The following CSMD1 variants were observed in gnomAD, a reference collection of about 807,000 sequenced individuals.
The protein encoded by CSMD1 is CUB and Sushi multiple domains 1.
CSMD1 carries 213 observed loss-of-function variants against 417.5 expected under a neutral mutation model. The observed-to-expected ratio is 0.51, with a 90% CI of 0.46 to 0.57. CSMD1 has a LOEUF of 0.57. CSMD1 is among the 20% of genes least tolerant of loss of function. CSMD1 has a pLI of 0.00. For synonymous variants in CSMD1, 2,862 were observed against 1,736.8 expected (o/e 1.65, Z -16.11); for missense variants, 6,923 against 4,529.7 (o/e 1.53, Z -15.17).
intron 5 of CSMD1, among the ~76,000 whole-genome samples, chr8:3,761,977 C>T (rs55997704): frequency 6.6e-6 from 1 of 152,154 alleles, no homozygotes; most frequent in Non-Finnish European, 1.5e-5. Context: ...ATAAGCATCC[C>T]TCTTGGTGAC....
intron 7 of CSMD1, among the ~76,000 whole-genome samples, chr8:3,692,666 C>G (rs1585084866): frequency 6.6e-6 from 1 of 152,084 alleles, no homozygotes; most frequent in Non-Finnish European, 1.5e-5. Context: ...CCCCTGACCT[C>G]AAATGATCTG....
At chr8:4,918,428 T>C (rs57035426) in intron 1 of CSMD1, among the ~76,000 whole-genome samples, 4,004 of 152,294 alleles carry the variant, frequency 0.026, 182 homozygotes, top group African/African-American at 0.092. Context: ...CCTCCTCTTG[T>C]CCTTCTGTAT....
intron 7 of CSMD1, among the ~76,000 whole-genome samples, chr8:3,684,133 T>C (rs1312234754): frequency 3.3e-5 from 4 of 119,514 alleles, no homozygotes; most frequent in African/African-American, 1.1e-4. Context: ...ATTTATATAA[T>C]ATATAATGCC....
At chr8:3,090,035 C>T (rs537551205) in intron 48 of CSMD1, among the ~76,000 whole-genome samples, 8 of 152,198 alleles carry the variant, frequency 5.3e-5, no homozygotes, top group Admixed American at 2.6e-4. Context: ...GACTATCGGC[C>T]GGGCGCGGTG....
intron 10 of CSMD1, among the ~76,000 whole-genome samples, chr8:3,533,812 T>C (rs1798077897): frequency 6.6e-6 from 1 of 152,160 alleles, no homozygotes; most frequent in Non-Finnish European, 1.5e-5. Context: ...ACATGAAAGT[T>C]CACTTTTTTT....
chr8:4,358,068 G>T (rs115057386), intron 3 of CSMD1, among the ~76,000 whole-genome samples: 221 of 152,114 alleles, frequency 1.5e-3, no homozygotes, highest in African/African-American at 4.7e-3. Context: ...GTATACTTAC[G>T]TATATATGTA....
chr8:4,165,651 C>A (rs970600846), intron 3 of CSMD1, among the ~76,000 whole-genome samples: 1 of 152,166 alleles, frequency 6.6e-6, no homozygotes, highest in South Asian at 2.1e-4. Context: ...GATCATTGAA[C>A]CTTGGCCTCC....
intron 12 of CSMD1, among the ~76,000 whole-genome samples, chr8:3,424,534 C>T (rs903555451): frequency 6.6e-6 from 1 of 152,134 alleles, no homozygotes; most frequent in South Asian, 2.1e-4. Flanking sequence ...AATTACTTGG[C>T]TATTGTTCTT....
At chr8:3,744,986 G>A (rs763978438) in intron 6 of CSMD1, among the ~76,000 whole-genome samples, 1 of 152,306 alleles carries the variant, frequency 6.6e-6, no homozygotes, top group East Asian at 1.9e-4. Context: ...AAAGCCTAGA[G>A]TAGCTGGGGC....
intron 6 of CSMD1, among the ~76,000 whole-genome samples, chr8:3,752,402 C>G (rs763632438): frequency 6.6e-6 from 1 of 152,058 alleles, no homozygotes; most frequent in African/African-American, 2.4e-5. Context: ...CACCTGTAAT[C>G]CCAGCACTTT....
At chr8:3,663,351 G>C (rs183486457) in intron 7 of CSMD1, among the ~76,000 whole-genome samples, 1 of 152,208 alleles carries the variant, frequency 6.6e-6, no homozygotes, top group African/African-American at 2.4e-5. Flanking sequence ...TTGGAACATG[G>C]CAAGTTTGAC....
At position 4,374,959 on chromosome 8, in the gene CSMD1, G is replaced by C. The variant is rs989953098; in HGVS notation, c.415+44994C>G. ...ACAATGATTAAACAGACAAAGGTGGGGTGGGGGGGGGGGGCGATAGTGGGG... is the reference window on the plus strand; with the variant it reads ...ACAATGATTAAACAGACAAAGGTGGCGTGGGGGGGGGGGGCGATAGTGGGG... On this transcript the variant is annotated intron_variant, in intron 3 of 69. Coordinates refer to ENST00000635120, the MANE Select transcript of CSMD1 (RefSeq NM_033225.6). Among the ~76,000 whole-genome samples the C allele has an allele frequency of 7.7e-5, 9 of 116,690 alleles. 1 individual carries two copies. The highest frequency in any genetic ancestry group is 5.1e-4 in the Admixed American group (6 of 11,776). The allele number at this position is 116,690 out of a possible 152,430, so 76.6% of individuals were successfully genotyped here.
At chr8:4,565,739 AAAATATATACATATATATATATAT>A (rs1283291952) in intron 2 of CSMD1, among the ~76,000 whole-genome samples, 1 of 123,286 alleles carries the variant, frequency 8.1e-6, no homozygotes, top group African/African-American at 3.1e-5. Flanking sequence ...CACCTTAAAA[AAAATATATACATATATATATATAT>A]ATATATATAT....
chr8:4,365,580 A>T (rs957028896), intron 3 of CSMD1, among the ~76,000 whole-genome samples: 2 of 152,210 alleles, frequency 1.3e-5, no homozygotes, highest in Non-Finnish European at 2.9e-5. Flanking sequence ...GATGATATCA[A>T]GCAGATACTC....
intron 4 of CSMD1, among the ~76,000 whole-genome samples, chr8:3,999,068 C>T (rs551779041): frequency 1.5e-4 from 23 of 150,152 alleles, no homozygotes; most frequent in Middle Eastern, 3.6e-3. Flanking sequence ...ATATAAATTA[C>T]ATATATGAGA....
intron 5 of CSMD1, among the ~76,000 whole-genome samples, chr8:3,811,117 G>C (rs952784775): frequency 2.6e-5 from 4 of 152,130 alleles, no homozygotes; most frequent in African/African-American, 7.2e-5. Context: ...TCCTCTGTGT[G>C]TACCTATGTC....
chr8:4,208,937 C>G (rs1261501563), intron 3 of CSMD1, among the ~76,000 whole-genome samples: 4 of 152,112 alleles, frequency 2.6e-5, no homozygotes, highest in Admixed American at 2.0e-4. Context: ...CAGATAAAAA[C>G]TTGACCCTTT....
intron 10 of CSMD1, among the ~76,000 whole-genome samples, chr8:3,516,975 G>C (rs1197176525): frequency 6.6e-6 from 1 of 152,214 alleles, no homozygotes; most frequent in Admixed American, 6.5e-5. Context: ...GTAAGAATGA[G>C]GGTGAAAACA....
At chr8:3,190,933 G>C (rs1454522801) in intron 33 of CSMD1, among the ~76,000 whole-genome samples, 1 of 152,212 alleles carries the variant, frequency 6.6e-6, no homozygotes, top group Non-Finnish European at 1.5e-5. Flanking sequence ...CATAGAACCA[G>C]AGAGATTTAC....
Sources: allele counts gnomAD v4.1 joint callset (sites outside exome capture counted in the v4.1 genomes callset), GRCh38; gene constraint gnomAD v4.1.1; transcripts MANE v1.5; gene names NCBI Gene and HGNC (gene_info 2026-07-23, HGNC 2026-07-21).